NECTIN3: variants seen among roughly 807,000 people sequenced by gnomAD.
The protein encoded by NECTIN3 is nectin cell adhesion molecule 3.
In NECTIN3, 8 loss-of-function variants were observed where a neutral mutation model predicts 49.4. The observed-to-expected ratio is 0.16, with a 90% confidence interval of 0.10 to 0.29. NECTIN3 has a LOEUF of 0.29. Ranked by LOEUF, NECTIN3 falls within the 10% of genes least tolerant of loss-of-function variation. NECTIN3 has a pLI of 1.00. For synonymous variants in NECTIN3, 277 were observed against 241.1 expected (o/e 1.15, Z -1.38); for missense variants, 581 against 654.6 (o/e 0.89, Z 1.23).
chr3:111,125,833 T>A (rs1364097834), intron 4 of NECTIN3, among the ~76,000 whole-genome samples: 1 of 152,216 alleles, frequency 6.6e-6, no homozygotes, highest in Non-Finnish European at 1.5e-5. Context: ...AGAATTTTAT[T>A]TGATATTGTA....
chr3:111,124,906 G>A (rs1348009951), intron 4 of NECTIN3, among the ~76,000 whole-genome samples: 2 of 151,820 alleles, frequency 1.3e-5, no homozygotes, highest in African/African-American at 2.4e-5. Flanking sequence ...GGCAAATAGT[G>A]GGCTCCTAGT....
At chr3:111,087,464 C>T (rs755861722) in intron 1 of NECTIN3, among the ~76,000 whole-genome samples, 3 of 151,952 alleles carry the variant, frequency 2.0e-5, no homozygotes, top group Non-Finnish European at 2.9e-5. Context: ...ACCAGCCTGG[C>T]CAACATGGCA....
intron 2 of NECTIN3, among the ~76,000 whole-genome samples, chr3:111,115,283 T>C (rs2033645273): frequency 6.6e-6 from 1 of 152,212 alleles, no homozygotes; most frequent in Non-Finnish European, 1.5e-5. Context: ...AGGATTTATA[T>C]GAAGTACAAG....
intron 1 of NECTIN3, among the ~76,000 whole-genome samples, chr3:111,109,101 ACT>A: frequency 6.6e-6 from 1 of 152,178 alleles, no homozygotes; most frequent in East Asian, 1.9e-4. Flanking sequence ...TCACTTTCTC[ACT>A]GTTTCCTCAC....
intron 1 of NECTIN3, among the ~76,000 whole-genome samples, chr3:111,077,839 T>A (rs1451334959): frequency 2.0e-5 from 3 of 152,224 alleles, no homozygotes; most frequent in African/African-American, 7.2e-5. Flanking sequence ...AAGAGTTTGA[T>A]GGCGAAATCA....
chr3:111,072,254 G>T, intron 1 of NECTIN3, 77 bp downstream of exon 1: 3 of 1,481,940 alleles, frequency 2.0e-6, no homozygotes. Flanking sequence ...GGCTCTGCCA[G>T]CCGTTCTCTG....
chr3:111,073,605 A>G (rs2030961868), intron 1 of NECTIN3: 2 of 152,348 alleles, frequency 1.3e-5, no homozygotes, highest in African/African-American at 4.8e-5. Context: ...CAGAGTCTAG[A>G]TTGAATTTGT....
chr3:111,167,360 A>AT (rs2035338281), intron 7 of NECTIN3, among the ~76,000 whole-genome samples: 1 of 152,192 alleles, frequency 6.6e-6, no homozygotes, highest in Non-Finnish European at 1.5e-5. Flanking sequence ...TTTTAAGTAC[A>AT]TAATTACTAT....
At chr3:111,137,869 G>A (rs1250825042), downstream of NECTIN3, among the ~76,000 whole-genome samples, 1 of 149,476 alleles carries the variant, frequency 6.7e-6, no homozygotes, top group African/African-American at 2.5e-5. Flanking sequence ...TGCCATGGTG[G>A]TTTACTACAC....
In NECTIN3 at chr3:111,122,249, A is replaced by G. The variant is rs776635349; in HGVS notation, c.917+11A>G. ...ATCTGTGTGGAGCAGGTAATGTTAT[A>G]TACTTCGAAAGAGAAATTATCTAAA... On this transcript the variant is annotated intron_variant, in intron 4 of 5. Transcript: ENST00000485303. 6.4e-7 allele frequency: 1 copy of G among 1,557,980 alleles called. No homozygotes were observed. The highest frequency in any genetic ancestry group is 1.1e-5 in the South Asian group (1 of 87,050).
chr3:111,165,791 A>G (rs937196332), intron 7 of NECTIN3, among the ~76,000 whole-genome samples: 5 of 152,224 alleles, frequency 3.3e-5, no homozygotes, highest in African/African-American at 1.2e-4. Flanking sequence ...ATTAGTAATT[A>G]TTAAGATACT....
At chr3:111,131,937 T>G (rs1233549346) in intron 5 of NECTIN3, among the ~76,000 whole-genome samples, 3 of 151,906 alleles carry the variant, frequency 2.0e-5, no homozygotes, top group African/African-American at 7.2e-5. Flanking sequence ...TTATATTTTT[T>G]TCTTTGCAAA....
intron 1 of NECTIN3, among the ~76,000 whole-genome samples, chr3:111,087,882 G>A (rs1386143026): frequency 6.6e-6 from 1 of 151,782 alleles, no homozygotes; most frequent in Non-Finnish European, 1.5e-5. Context: ...ATTTTTAGTA[G>A]AGATGGCATT....
chr3:111,078,630 C>T (rs2031394586), intron 1 of NECTIN3, among the ~76,000 whole-genome samples: 1 of 152,114 alleles, frequency 6.6e-6, no homozygotes, highest in African/African-American at 2.4e-5. Flanking sequence ...ATGCAGAATA[C>T]ACTATAGGAA....
intron 3 of NECTIN3, among the ~76,000 whole-genome samples, chr3:111,120,632 T>G (rs901908276): frequency 6.6e-6 from 1 of 152,174 alleles, no homozygotes; most frequent in Non-Finnish European, 1.5e-5. Context: ...AAATTTTGCT[T>G]TCCAGTAGGA....
intron 7 of NECTIN3, among the ~76,000 whole-genome samples, chr3:111,177,560 T>A (rs2035554112): frequency 6.6e-6 from 1 of 152,208 alleles, no homozygotes; most frequent in Non-Finnish European, 1.5e-5. Flanking sequence ...TTTCTCTACT[T>A]GATGGCTTTG....
chr3:111,189,986 G>C (rs547265530), upstream of NECTIN3, among the ~76,000 whole-genome samples: 53 of 152,326 alleles, frequency 3.5e-4, no homozygotes, highest in South Asian at 9.9e-3. Flanking sequence ...AGATGGGGTA[G>C]CAGTGGCCAA....
At chr3:111,105,128 T>C (rs750334464) in intron 1 of NECTIN3, among the ~76,000 whole-genome samples, 66 of 138,700 alleles carry the variant, frequency 4.8e-4, no homozygotes, top group Non-Finnish European at 6.4e-4. Flanking sequence ...TTTTCTTTTC[T>C]TTTTTTTCTT....
At position 111,134,457 on chromosome 3, in the gene NECTIN3, CT is replaced by C. The variant is rs2034506739; in HGVS notation, c.*245del. On this transcript the variant is annotated 3_prime_UTR_variant, in exon 6 of 6. Transcript: ENST00000485303. The stretch of plus-strand genomic sequence containing the variant: ...AAGATTTAAATTTTAATGCAGAGTA[CT>C]TTATTGGTGTGAGGCACACAGGTAA... 1.6e-5 allele frequency: 19 copies of C among 1,167,150 alleles called. No homozygotes were observed. In the South Asian group the frequency reaches 5.7e-4, roughly 35 times the overall value. The allele number at this position is 1,167,150 out of a possible 1,614,324, so 72.3% of individuals were successfully genotyped here.
Sources: gnomAD v4.1 joint callset for allele counts (sites outside exome capture counted in the v4.1 genomes callset) on GRCh38, gnomAD v4.1.1 for gene constraint, MANE v1.5 for transcripts, NCBI Gene and HGNC (gene_info 2026-07-23, HGNC 2026-07-21) for gene names.